Variants in DYSF observed in about 807,000 individuals in gnomAD.
The protein encoded by DYSF is dysferlin.
Under a neutral mutation model 274.9 loss-of-function variants are expected in DYSF, and 212 were observed. The observed-to-expected ratio is 0.77, with a 90% CI of 0.69 to 0.86. DYSF has a LOEUF of 0.86. Ranked by LOEUF, DYSF falls within the 40% of genes least tolerant of loss-of-function variation. The probability of loss-of-function intolerance (pLI) is 0.00; values close to 1 mark genes in which losing one functional copy is unlikely to be tolerated. For synonymous variants in DYSF, 1,091 were observed against 1,078.7 expected (o/e 1.01, Z -0.22); for missense variants, 2,666 against 2,783.2 (o/e 0.96, Z 0.95).
intron 1 of DYSF, among the ~76,000 whole-genome samples, chr2:71,468,380 T>C (rs1233289883): frequency 6.6e-6 from 1 of 152,174 alleles, no homozygotes; most frequent in Non-Finnish European, 1.5e-5. Flanking sequence ...ATAAGGAAAT[T>C]GAAACCCAGG....
chr2:71,681,205 C>G, intron 54 of DYSF, 95 bp downstream of exon 54: 1 of 1,215,374 alleles, frequency 8.2e-7, no homozygotes, highest in Non-Finnish European at 1.2e-6. Flanking sequence ...GTAGAAGTCA[C>G]AAAGCCCACG....
chr2:71,667,528 C>T lies in DYSF; in HGVS notation c.5457+13C>T. 6.2e-7 allele frequency: 1 copy of T among 1,613,968 alleles called. No homozygotes were observed. The highest frequency in any genetic ancestry group is 8.5e-7 in the Non-Finnish European group (1 of 1,179,930). On this transcript the variant is annotated intron_variant, in intron 48 of 55. Transcript: ENST00000410020. ...AGACATCGAGCAGGTAGGACCTTGA[C>T]CCTTGGGTCCCAGAGTCCTCGAACT...
rs1173874828 is a variant in DYSF at position 71,542,991 on chromosome 2, G to A, written c.1576+3752G>A. 6.0e-5 allele frequency among the ~76,000 whole-genome samples: 9 copies of A among 151,260 alleles called. 2 individuals are homozygous for A. The South Asian group carries it at 1.3e-3, about 21-fold the overall frequency. On this transcript the variant is annotated intron_variant, in intron 17 of 55. Coordinates refer to ENST00000410020, the MANE Select transcript of DYSF (RefSeq NM_001130987.2). The stretch of plus-strand genomic sequence containing the variant: ...TACCTCCCGGACGGGGCAGCTGGCC[G>A]GACGGGGGCTGCCCCCCACCTCCCT...
intron 4 of DYSF, among the ~76,000 whole-genome samples, chr2:71,504,757 A>G (rs1355684879): frequency 6.6e-6 from 1 of 151,666 alleles, no homozygotes; most frequent in Non-Finnish European, 1.5e-5. Context: ...GTCCCTTCCA[A>G]CCTCAAAGGC....
At chr2:71,464,674 C>G (rs1207102962), upstream of DYSF, among the ~76,000 whole-genome samples, 1 of 152,114 alleles carries the variant, frequency 6.6e-6, no homozygotes, top group Admixed American at 6.6e-5. Context: ...CGAGGTCAGC[C>G]AGGGCTTTCA....
chr2:71,669,456 C>A, intron 50 of DYSF, 149 bp from the exon 51 acceptor site: 1 of 1,052,090 alleles, frequency 9.5e-7, no homozygotes, highest in Non-Finnish European at 1.4e-6. Flanking sequence ...AAATTTATGG[C>A]ACATTTTGTA....
chr2:71,546,848 G>A (rs1484043584), intron 17 of DYSF, among the ~76,000 whole-genome samples: 2 of 152,378 alleles, frequency 1.3e-5, no homozygotes, highest in East Asian at 3.9e-4. Flanking sequence ...GTGCCGAGAG[G>A]CAGAGGGAGC....
chr2:71,623,062 A>G (rs925607366), intron 41 of DYSF, among the ~76,000 whole-genome samples: 2 of 152,214 alleles, frequency 1.3e-5, no homozygotes, highest in Admixed American at 6.5e-5. Context: ...GTAAACCCAA[A>G]TCGGTCAATT....
At position 71,589,663 on chromosome 2, in the gene DYSF, C is replaced by A; in HGVS notation, c.3473C>A (p.Pro1158His). ...VSTLSFGVNR[P>H]TISCIFDYGN... ...ACCTTGAGCTTCGGTGTGAACAGACCCACGATTTCCTGCATATTCGACTGT... is the reference window on the plus strand; with the variant it reads ...ACCTTGAGCTTCGGTGTGAACAGACACACGATTTCCTGCATATTCGACTGT... The change falls in exon 31 of 56, where the codon CCC (proline) becomes CAC (histidine). Residue 1158 changes from proline to histidine, a missense_variant. Pro to His is a moderately conservative substitution (Grantham distance 77). Around this residue, in one of 3 missense-constraint regions of DYSF, gnomAD observed 1,460 missense variants for 1,502.1 expected, o/e 0.97. Coordinates refer to ENST00000410020, the MANE Select transcript of DYSF (RefSeq NM_001130987.2). The A allele has an allele frequency of 6.2e-7, 1 of 1,614,066 alleles. No individual in the cohort carries two copies. Among genetic ancestry groups the A allele is most frequent in the Non-Finnish European group, 8.5e-7 (1 of 1,179,988 alleles).
At chr2:71,662,991 T>C (rs550080135) in intron 45 of DYSF, among the ~76,000 whole-genome samples, 56 of 150,750 alleles carry the variant, frequency 3.7e-4, no homozygotes, top group Admixed American at 3.3e-4. Flanking sequence ...TGTCTGCATA[T>C]GTGTGTGGTG....
chr2:71,593,261 T>C (rs533250885), intron 32 of DYSF, among the ~76,000 whole-genome samples: 1 of 151,514 alleles, frequency 6.6e-6, no homozygotes, highest in East Asian at 2.0e-4. Flanking sequence ...GCCTCCCAAG[T>C]AGCTAGGATT....
At chr2:71,623,029 T>C (rs1343884512) in intron 41 of DYSF, among the ~76,000 whole-genome samples, 4 of 152,280 alleles carry the variant, frequency 2.6e-5, no homozygotes, top group Non-Finnish European at 4.4e-5. Flanking sequence ...TAATATAGTG[T>C]ATAATTGTGC....
chr2:71,566,601 T>C (rs1278432635), intron 24 of DYSF, among the ~76,000 whole-genome samples: 1 of 148,344 alleles, frequency 6.7e-6, no homozygotes. Context: ...TCCAGCAGGC[T>C]GGCCCCGTCT....
intron 32 of DYSF, among the ~76,000 whole-genome samples, chr2:71,598,335 G>C (rs540393384): frequency 6.6e-6 from 1 of 152,330 alleles, no homozygotes; most frequent in Non-Finnish European, 1.5e-5. Flanking sequence ...TGGATCTTGT[G>C]CCCATTTGCC....
chr2:71,539,058 C>A, intron 16 of DYSF, 99 bp from the exon 17 acceptor site: 1 of 1,035,462 alleles, frequency 9.7e-7, no homozygotes, highest in Non-Finnish European at 1.5e-6. Context: ...CTGCCCCCCG[C>A]CCCCCTGTGA....
chr2:71,606,535 GA>G (rs1443370748), intron 36 of DYSF, among the ~76,000 whole-genome samples: 1 of 152,050 alleles, frequency 6.6e-6, no homozygotes, highest in Non-Finnish European at 1.5e-5. Context: ...CTGTCCTGGA[GA>G]GGGGGTGCTG....
At chr2:71,540,804 A>G (rs2152769400) in intron 17 of DYSF, among the ~76,000 whole-genome samples, 1 of 152,016 alleles carries the variant, frequency 6.6e-6, no homozygotes, top group East Asian at 1.9e-4. Context: ...ATGGATATTA[A>G]CTTTTCCCCT....
intron 41 of DYSF, among the ~76,000 whole-genome samples, chr2:71,631,519 G>A (rs2094312134): frequency 6.6e-6 from 1 of 152,122 alleles, no homozygotes; most frequent in African/African-American, 2.4e-5. Context: ...GCCCGTCACT[G>A]GTGTAATCTG....
intron 3 of DYSF, among the ~76,000 whole-genome samples, chr2:71,488,699 G>A (rs932978184): frequency 2.6e-5 from 4 of 152,166 alleles, no homozygotes; most frequent in African/African-American, 7.2e-5. Flanking sequence ...ATAGGAGGAG[G>A]TCTAGTCAGG....
Sources: gnomAD v4.1 joint callset for allele counts (sites outside exome capture counted in the v4.1 genomes callset) on GRCh38, gnomAD v4.1.1 for gene constraint, gnomAD v4.1.1 regional missense constraint, MANE v1.5 for transcripts, NCBI Gene and HGNC (gene_info 2026-07-23, HGNC 2026-07-21) for gene names.